MAMDC2: variants seen among roughly 807,000 people sequenced by gnomAD.
MAMDC2 encodes MAM domain-containing protein 2.
A neutral mutation model predicts 89.8 loss-of-function variants in MAMDC2; 57 were observed. The ratio of observed to expected loss-of-function variants is 0.63; its 90% CI spans 0.51 to 0.79. The LOEUF is 0.79. MAMDC2 is among the 30% of genes least tolerant of loss of function. MAMDC2 has a pLI of 0.00. For synonymous variants in MAMDC2, 313 were observed against 293.4 expected (o/e 1.07, Z -0.68); for missense variants, 800 against 820.6 (o/e 0.97, Z 0.31).
At chr9:70,044,345 C>T (rs1826681212) in intron 1 of MAMDC2, 114 bp downstream of exon 1, 1 of 1,212,418 alleles carries the variant, frequency 8.2e-7, no homozygotes, top group Non-Finnish European at 1.2e-6. Context: ...AGGGCGCCTC[C>T]TGATCCTCCG....
intron 2 of MAMDC2, chr9:70,085,760 T>G (rs1256902472): frequency 6.6e-6 from 1 of 152,100 alleles, no homozygotes; most frequent in African/African-American, 2.4e-5. Context: ...CTATGGTACA[T>G]GTAAGCAAAA....
intron 9 of MAMDC2, among the ~76,000 whole-genome samples, chr9:70,166,298 CACACACATAT>C (rs768069327): frequency 4.1e-4 from 30 of 73,836 alleles, no homozygotes; most frequent in Non-Finnish European, 7.3e-4. Flanking sequence ...CACACACACA[CACACACATAT>C]ATATATATAC....
chr9:70,212,072 G>A (rs2033365090), intron 11 of MAMDC2, among the ~76,000 whole-genome samples: 1 of 152,258 alleles, frequency 6.6e-6, no homozygotes, highest in Non-Finnish European at 1.5e-5. Context: ...CTACTTGGGG[G>A]TCAGGGACCC....
chr9:70,211,985 G>A (rs1386366395), intron 11 of MAMDC2, among the ~76,000 whole-genome samples: 3 of 152,198 alleles, frequency 2.0e-5, no homozygotes, highest in African/African-American at 7.2e-5. Context: ...TCATTCCTCT[G>A]GAAGCTTTGT....
At chr9:70,080,750 C>T (rs1827634269) in intron 2 of MAMDC2, among the ~76,000 whole-genome samples, 1 of 152,106 alleles carries the variant, frequency 6.6e-6, no homozygotes, top group Non-Finnish European at 1.5e-5. Context: ...AACTGAACAT[C>T]GAGGAATGGA....
At chr9:70,047,491 T>G (rs1826782194) in intron 2 of MAMDC2, among the ~76,000 whole-genome samples, 1 of 152,198 alleles carries the variant, frequency 6.6e-6, no homozygotes, top group Non-Finnish European at 1.5e-5. Context: ...CTGAGAATGA[T>G]GGCTTCCAGC....
At chr9:70,221,380 T>TATATATATATATAGAGAGAGAGAGAG in intron 12 of MAMDC2, among the ~76,000 whole-genome samples, 24 of 7,034 alleles carry the variant, frequency 3.4e-3, no homozygotes, top group Admixed American at 5.7e-3. Context: ...TATATATATA[T>TATATATATATATAGAGAGAGAGAGAG]AGAGAGAGAG....
At chr9:70,133,001 TAA>T (rs902673493) in intron 7 of MAMDC2, among the ~76,000 whole-genome samples, 8 of 152,198 alleles carry the variant, frequency 5.3e-5, no homozygotes, top group East Asian at 1.9e-4. Flanking sequence ...AATCAAAGAT[TAA>T]AAGAGTCTCT....
At chr9:70,080,642 T>C (rs146940135) in intron 2 of MAMDC2, among the ~76,000 whole-genome samples, 1 of 152,352 alleles carries the variant, frequency 6.6e-6, no homozygotes, top group Non-Finnish European at 1.5e-5. Flanking sequence ...ATTGTTTGTT[T>C]ACACAGTCAG....
intron 2 of MAMDC2, among the ~76,000 whole-genome samples, chr9:70,046,467 T>C (rs1038519511): frequency 6.6e-6 from 1 of 152,230 alleles, no homozygotes; most frequent in Admixed American, 6.5e-5. Context: ...ACATCATTCC[T>C]TAAGCCAGGA....
At chr9:70,070,307 A>G (rs1165497381) in intron 2 of MAMDC2, among the ~76,000 whole-genome samples, 1 of 152,238 alleles carries the variant, frequency 6.6e-6, no homozygotes, top group Non-Finnish European at 1.5e-5. Context: ...ATGTGGCCTT[A>G]TAGACTTTTT....
Position 70,195,018 on chromosome 9 carries a change from A to G in MAMDC2, c.1652-23319A>G, listed in dbSNP as rs759228559. ...AATATATAACCAGTACATCAAAACC[A>G]TTATTTCACAGGTTTACAGCTAGCT... is the stretch of plus-strand genomic sequence containing the variant. On this transcript the variant is annotated intron_variant, in intron 11 of 13. Coordinates refer to ENST00000377182, the MANE Select transcript of MAMDC2 (RefSeq NM_153267.5). 3.1e-4 allele frequency among the ~76,000 whole-genome samples: 47 copies of G among 152,234 alleles called. No homozygotes were observed. In the Middle Eastern group the frequency reaches 0.01, roughly 33 times the overall value.
chr9:70,078,973 G>T (rs1282895249), intron 2 of MAMDC2, among the ~76,000 whole-genome samples: 2 of 152,138 alleles, frequency 1.3e-5, no homozygotes, highest in Non-Finnish European at 2.9e-5. Context: ...AACCCAGCCT[G>T]CTTCAGGTGA....
chr9:70,136,576 C>G (rs1468583394), intron 7 of MAMDC2, among the ~76,000 whole-genome samples: 1 of 152,110 alleles, frequency 6.6e-6, no homozygotes. Flanking sequence ...TTGCAGTCGC[C>G]CAAGAGCACT....
At chr9:70,202,562 C>A (rs1299290178) in intron 11 of MAMDC2, among the ~76,000 whole-genome samples, 4 of 149,408 alleles carry the variant, frequency 2.7e-5, no homozygotes, top group Non-Finnish European at 5.9e-5. Context: ...CTGTAGATGT[C>A]TATTAGGTCC....
intron 7 of MAMDC2, among the ~76,000 whole-genome samples, chr9:70,137,250 C>T (rs528080403): frequency 6.6e-6 from 1 of 152,138 alleles, no homozygotes; most frequent in Admixed American, 6.6e-5. Flanking sequence ...ATACTTTTCA[C>T]CCAGCTCTAC....
intron 2 of MAMDC2, among the ~76,000 whole-genome samples, chr9:70,106,757 A>G (rs1298131071): frequency 1.3e-5 from 2 of 152,304 alleles, no homozygotes; most frequent in African/African-American, 4.8e-5. Context: ...GGCGGTTGCT[A>G]TGTTAAGAAG....
chr9:70,173,556 GATGTT>G (rs1169497490), intron 11 of MAMDC2, among the ~76,000 whole-genome samples: 1 of 152,184 alleles, frequency 6.6e-6, no homozygotes, highest in Non-Finnish European at 1.5e-5. Flanking sequence ...TTGTAGTCTA[GATGTT>G]ATGTGTATGT....
Position 70,108,417 on chromosome 9 carries a change from A to G in MAMDC2, c.355A>G (p.Lys119Glu). Residue 119 changes from lysine to glutamate, a missense_variant, in exon 3 of 14, where the codon AAG becomes GAG. By Grantham distance (56) the Lys-to-Glu change is moderately conservative (BLOSUM62 1). Coordinates refer to ENST00000377182, the MANE Select transcript of MAMDC2 (RefSeq NM_153267.5). ...ESFDRLLWSA[K>E]EPSDSWLIAS... ...CTTTGATCGCTTGCTTTGGTCAGCT[A>G]AGGAACCTTCAGACAGCTGGCTCAT... is the stretch of plus-strand genomic sequence containing the variant. 1.2e-6 allele frequency: 2 copies of G among 1,613,950 alleles called. No homozygotes were observed. Among genetic ancestry groups the G allele is most frequent in the South Asian group, 1.1e-5 (1 of 90,986 alleles).
Sources: gnomAD v4.1 joint callset for allele counts (sites outside exome capture counted in the v4.1 genomes callset) on GRCh38, gnomAD v4.1.1 for gene constraint, MANE v1.5 for transcripts, NCBI Gene and HGNC (gene_info 2026-07-23, HGNC 2026-07-21) for gene names.